The following SPART variants were observed in gnomAD, a reference collection of about 807,000 sequenced individuals.
The protein encoded by SPART is spastic paraplegia 20 (Troyer syndrome).
In SPART, 35 loss-of-function variants were observed where a neutral mutation model predicts 58.7. The ratio of observed to expected loss-of-function variants is 0.60; its 90% confidence interval spans 0.46 to 0.79. SPART has a LOEUF of 0.79. SPART is among the 30% of genes least tolerant of loss of function. The pLI, the probability that SPART is intolerant of heterozygous loss-of-function variation, is 0.00. For synonymous variants in SPART, 284 were observed against 280.7 expected, an observed-to-expected ratio of 1.01 and a Z score of -0.12; for missense variants, 730 against 786.1, an observed-to-expected ratio of 0.93 and a Z score of 0.85.
upstream of SPART, among the ~76,000 whole-genome samples, chr13:36,347,715 A>C (rs183646755): frequency 1.3e-5 from 2 of 152,156 alleles, no homozygotes; most frequent in African/African-American, 4.8e-5. Context: ...TCTCACTTCC[A>C]CGTTTTTGGA....
rs1368814192 is a variant in SPART at position 36,314,258 on chromosome 13, T to G, written c.1452A>C (p.Thr484=). ...ACTGACTGACTTTTGCTGCTCCTCCTGTAGCTTGCTTCGCTATATAAAGTC... is the reference window on the plus strand; with the variant it reads ...ACTGACTGACTTTTGCTGCTCCTCCGGTAGCTTGCTTCGCTATATAAAGTC... ...TKGLYIAKQA[T]GGAAKVSQFL... is the part of the protein sequence containing the mutation. Residue 484 remains threonine (T), a synonymous_variant, in exon 6 of 9, where the codon ACA becomes ACC. Transcript: ENST00000438666. 1 of 1,614,128 alleles carries G rather than the reference T, an allele frequency of 6.2e-7. No homozygotes were observed. The highest frequency in any genetic ancestry group is 1.1e-5 in the South Asian group (1 of 91,084).
At chr13:36,316,724 G>C (rs1036560755) in intron 5 of SPART, among the ~76,000 whole-genome samples, 15 of 152,142 alleles carry the variant, frequency 9.9e-5, no homozygotes, top group African/African-American at 3.6e-4. Context: ...CAGCCTTGTT[G>C]CTCACACAAA....
intron 5 of SPART, among the ~76,000 whole-genome samples, chr13:36,319,006 C>T (rs1034095161): frequency 6.6e-6 from 1 of 152,250 alleles, no homozygotes; most frequent in Non-Finnish European, 1.5e-5. Flanking sequence ...AAGCCCGTCC[C>T]CTTCTTAATC....
chr13:36,325,712 G>T (rs1260495640), intron 5 of SPART, among the ~76,000 whole-genome samples: 2 of 152,270 alleles, frequency 1.3e-5, no homozygotes, highest in South Asian at 2.1e-4. Context: ...CAGAATAATT[G>T]ATCTGAAGCC....
chr13:36,308,313 C>G (rs983974080), intron 8 of SPART: 9 of 152,118 alleles, frequency 5.9e-5, no homozygotes, highest in Admixed American at 1.3e-4. Context: ...TCCCTACTGC[C>G]TCTCCCATCC....
intron 4 of SPART, 82 bp from the exon 5 acceptor site, chr13:36,326,780 G>A (rs1349608386): frequency 7.6e-6 from 11 of 1,455,522 alleles, no homozygotes; most frequent in Admixed American, 1.7e-5. Flanking sequence ...CAAATATGAA[G>A]CCAACAAATA....
chr13:36,341,625 A>C (rs1459243663), intron 1 of SPART, among the ~76,000 whole-genome samples: 1 of 152,136 alleles, frequency 6.6e-6, no homozygotes, highest in Non-Finnish European at 1.5e-5. Context: ...CTGATATGAA[A>C]CTATTTTAGC....
intron 7 of SPART, 23 bp from the exon 8 acceptor site, chr13:36,312,258 GATGTAAATCTA>G: frequency 6.2e-7 from 1 of 1,613,586 alleles, no homozygotes; most frequent in Non-Finnish European, 8.5e-7. Flanking sequence ...TATTTAAAAC[GATGTAAATCTA>G]GTCCAAAGCA....
chr13:36,334,370 T>G (rs1883747313), intron 2 of SPART, among the ~76,000 whole-genome samples: 1 of 152,158 alleles, frequency 6.6e-6, no homozygotes, highest in Admixed American at 6.5e-5. Context: ...CATCTTAAAT[T>G]ATCACCACAG....
Position 36,329,416 on chromosome 13 carries a change from T to G in SPART, c.1110A>C (p.Lys370Asn). The G allele has an allele frequency of 6.2e-7, 1 of 1,614,180 alleles. No individual in the cohort carries two copies. Among genetic ancestry groups the G allele is most frequent in the African/African-American group, 1.3e-5 (1 of 75,064 alleles). ...CATCCTTATTGCCTTGGTCCAACTG[T>G]TTCACATCAGTGCCAGAGGCTTCTT... ...QLKEASGTDV[K>N]QLDQGNKDVR... Residue 370 changes from lysine to asparagine, a missense_variant, in exon 4 of 9, where the codon AAA (lysine) becomes AAC (asparagine). Lys to Asn is a moderately conservative substitution (Grantham distance 94). Coordinates refer to ENST00000438666, the MANE Select transcript of SPART (RefSeq NM_015087.5).
intron 6 of SPART, chr13:36,313,905 T>C: frequency 2.8e-6 from 1 of 359,228 alleles, no homozygotes; most frequent in Admixed American, 4.5e-5. Flanking sequence ...CATTCTCCTC[T>C]CCAACACATC....
At chr13:36,357,427 C>T (rs9547439) in intron 1 of SPART, among the ~76,000 whole-genome samples, 92,894 of 151,982 alleles carry the variant, frequency 0.61, 29,425 homozygotes, top group Non-Finnish European at 0.71. Context: ...ATGGCCTCCT[C>T]GGAAAAAGCC....
At chr13:36,341,842 G>A (rs1027187509) in intron 1 of SPART, among the ~76,000 whole-genome samples, 8 of 152,088 alleles carry the variant, frequency 5.3e-5, no homozygotes, top group East Asian at 3.9e-4. Flanking sequence ...ACAGACCCAC[G>A]TATTTGCTCT....
intron 1 of SPART, among the ~76,000 whole-genome samples, chr13:36,336,794 C>T (rs2082976897): frequency 6.6e-6 from 1 of 152,102 alleles, no homozygotes; most frequent in South Asian, 2.1e-4. Flanking sequence ...CAAATGCTCA[C>T]TCATTCATAC....
At chr13:36,308,891 C>T (rs1229910253) in intron 8 of SPART, among the ~76,000 whole-genome samples, 1 of 152,146 alleles carries the variant, frequency 6.6e-6, no homozygotes, top group East Asian at 1.9e-4. Context: ...ACTTGAGTTT[C>T]ATATTTCTAT....
chr13:36,339,641 A>AC (rs1410426185), intron 1 of SPART, among the ~76,000 whole-genome samples: 4 of 150,056 alleles, frequency 2.7e-5, no homozygotes, highest in Non-Finnish European at 5.9e-5. Context: ...AAAAAAAAAA[A>AC]AAAAAAAAAA....
At chr13:36,328,299 G>A (rs1448018099) in intron 4 of SPART, among the ~76,000 whole-genome samples, 1 of 152,098 alleles carries the variant, frequency 6.6e-6, no homozygotes, top group Non-Finnish European at 1.5e-5. Context: ...TTACCATGTG[G>A]AATATAGCAA....
chr13:36,335,305 G>A lies in SPART; in HGVS notation c.526C>T (p.Pro176Ser). The part of the protein sequence containing the change: ...CPAEAPPAYT[P>S]QAAEGHYTVS... ...GTGTAGTGACCTTCAGCAGCTTGAG[G>A]AGTATAAGCAGGAGGAGCTTCTGCT... The change falls in exon 2 of 9, where the codon CCT becomes TCT. Residue 176 changes from proline to serine, a missense_variant. Pro to Ser is a moderately conservative substitution (Grantham distance 74). Coordinates refer to ENST00000438666, the MANE Select transcript of SPART (RefSeq NM_015087.5). The A allele has an allele frequency of 6.2e-7, 1 of 1,614,038 alleles. No individual in the cohort carries two copies. The highest frequency in any genetic ancestry group is 8.5e-7 in the Non-Finnish European group (1 of 1,179,950).
intron 8 of SPART, among the ~76,000 whole-genome samples, chr13:36,305,654 C>T (rs1322715157): frequency 6.6e-6 from 1 of 152,060 alleles, no homozygotes; most frequent in African/African-American, 2.4e-5. Flanking sequence ...ATAATATCTG[C>T]ATTTAATACT....
Sources: allele counts gnomAD v4.1 joint callset (sites outside exome capture counted in the v4.1 genomes callset), GRCh38; gene constraint gnomAD v4.1.1; transcripts MANE v1.5; gene names NCBI Gene and HGNC (gene_info 2026-07-23, HGNC 2026-07-21).